The following ADGRG7 variants were observed in gnomAD, a reference collection of about 807,000 sequenced individuals.
The protein encoded by ADGRG7 is adhesion G protein-coupled receptor G7.
Under a neutral mutation model 88.6 loss-of-function variants are expected in ADGRG7, and 82 were observed. That is an observed-to-expected ratio of 0.93 (90% confidence interval 0.77 to 1.11). The LOEUF (loss-of-function observed/expected upper bound fraction) is 1.11, where lower values mean the gene tolerates loss of function less well. Ranked by LOEUF, ADGRG7 falls within the 50% of genes most tolerant of loss-of-function variation. The pLI is 0.00. For missense variants in ADGRG7, 945 were observed against 953.4 expected, an observed-to-expected ratio of 0.99 and a Z score of 0.12; for synonymous variants, 381 against 345.2, an observed-to-expected ratio of 1.10 and a Z score of -1.15.
Position 100,635,837 on chromosome 3 carries a change from C to T in ADGRG7, c.597+11C>T, listed in dbSNP as rs774095972. On this transcript the variant is annotated intron_variant, in intron 5 of 15. Coordinates refer to ENST00000273352, the MANE Select transcript of ADGRG7 (RefSeq NM_032787.3). Reference sequence around the variant, plus strand: ...AATGCTTCACCTGAGGTAAAACTCACAGAGCTTTAAAAAAAATTTTTTTTT... The same window carrying T: ...AATGCTTCACCTGAGGTAAAACTCATAGAGCTTTAAAAAAAATTTTTTTTT... The T allele has an allele frequency of 5.0e-6, 8 of 1,593,334 alleles. No individual in the cohort carries two copies. Among genetic ancestry groups the T allele is most frequent in the African/African-American group, 1.4e-5 (1 of 73,434 alleles).
chr3:100,693,229 C>G (rs1203576355), intron 15 of ADGRG7, among the ~76,000 whole-genome samples: 2 of 152,106 alleles, frequency 1.3e-5, no homozygotes, highest in African/African-American at 2.4e-5. Flanking sequence ...TCTTAGTTTA[C>G]TTTAGAATTT....
chr3:100,610,851 G>A (rs1316842114), intron 1 of ADGRG7, among the ~76,000 whole-genome samples: 4 of 152,206 alleles, frequency 2.6e-5, no homozygotes, highest in Admixed American at 2.6e-4. Context: ...CTCTGAGCAG[G>A]TAACTGGGGA....
At chr3:100,637,574 G>T in intron 6 of ADGRG7, 172 bp downstream of exon 6, 1 of 584,358 alleles carries the variant, frequency 1.7e-6, no homozygotes, top group South Asian at 2.0e-5. Flanking sequence ...TTACTAGATG[G>T]AGTGGTATAT....
At chr3:100,669,219 G>T in intron 15 of ADGRG7, 114 bp downstream of exon 15, 2 of 735,764 alleles carry the variant, frequency 2.7e-6, no homozygotes, top group Non-Finnish European at 3.9e-6. Flanking sequence ...AGGCGCGGTG[G>T]CTCACGCCTG....
chr3:100,665,049 A>T, intron 14 of ADGRG7: 1 of 481,768 alleles, frequency 2.1e-6, no homozygotes, highest in African/African-American at 2.0e-5. Flanking sequence ...AGAAGTTCAC[A>T]TTAGTGGAAA....
At chr3:100,622,584 A>G (rs944196747) in intron 1 of ADGRG7, among the ~76,000 whole-genome samples, 10 of 152,096 alleles carry the variant, frequency 6.6e-5, no homozygotes, top group Non-Finnish European at 1.2e-4. Flanking sequence ...TGCCCACTTA[A>G]AAAAAGCGGG....
In ADGRG7 at chr3:100,643,267, C is replaced by T; in HGVS notation, c.700C>T (p.Leu234Phe). The T allele has an allele frequency of 6.2e-7, 1 of 1,612,774 alleles. No individual in the cohort carries two copies. The highest frequency in any genetic ancestry group is 8.5e-7 in the Non-Finnish European group (1 of 1,179,406). ...TAAATTGTGTTTTATTATATGCAGG[C>T]TTATTGAGCAAATGGAGACTTATTC... Reference protein sequence around the residue: ...ATANDDALTTLIEQMETYSLS... With the variant: ...ATANDDALTTFIEQMETYSLS... Residue 234 changes from leucine to phenylalanine, a missense_variant and splice_region_variant, in exon 7 of 16, where the codon CTT becomes TTT. Transcript: ENST00000273352.
intron 6 of ADGRG7, among the ~76,000 whole-genome samples, chr3:100,641,796 G>A (rs555048821): frequency 2.0e-5 from 3 of 152,260 alleles, no homozygotes; most frequent in South Asian, 4.1e-4. Context: ...GGAAGAATTA[G>A]CCTCTTATTT....
At chr3:100,662,044 A>G (rs1255394694) in intron 14 of ADGRG7, among the ~76,000 whole-genome samples, 5 of 152,224 alleles carry the variant, frequency 3.3e-5, no homozygotes, top group African/African-American at 1.2e-4. Flanking sequence ...ATCAGCATTT[A>G]AACTTTTATG....
chr3:100,688,166 G>C (rs2094986516), intron 15 of ADGRG7, among the ~76,000 whole-genome samples: 1 of 152,220 alleles, frequency 6.6e-6, no homozygotes, highest in African/African-American at 2.4e-5. Flanking sequence ...TATTTGCATA[G>C]AGGTGTTTAT....
chr3:100,634,437 T>C (rs957191993), intron 4 of ADGRG7, among the ~76,000 whole-genome samples: 2 of 152,246 alleles, frequency 1.3e-5, no homozygotes, highest in African/African-American at 4.8e-5. Flanking sequence ...TTAATTTTTA[T>C]AACACCATAA....
intron 1 of ADGRG7, among the ~76,000 whole-genome samples, chr3:100,612,725 C>T (rs1707171067): frequency 6.6e-6 from 1 of 152,146 alleles, no homozygotes; most frequent in Non-Finnish European, 1.5e-5. Flanking sequence ...TGCTCTTTGC[C>T]ACCAGGACTG....
Position 100,630,796 on chromosome 3 carries a change from G to A in ADGRG7, c.321G>A (p.Lys107=). Residue 107 remains lysine, a synonymous_variant, in exon 3 of 16, where the codon AAG becomes AAA. Coordinates refer to ENST00000273352, the MANE Select transcript of ADGRG7 (RefSeq NM_032787.3). Reference sequence around the variant, plus strand: ...GACCATCCTTGCAAACATGTGGCAAGGATACTCCAAATGGTATGTGTTTTC... The same window carrying A: ...GACCATCCTTGCAAACATGTGGCAAAGATACTCCAAATGGTATGTGTTTTC... ...RYGPSLQTCG[K]DTPNAGNPMA... 1.4e-6 allele frequency: 2 copies of A among 1,476,416 alleles called. No individual in the cohort carries two copies. The highest frequency in any genetic ancestry group is 1.5e-5 in the South Asian group (1 of 66,512). The allele number at this position is 1,476,416 out of a possible 1,614,324, so 91.5% of individuals were successfully genotyped here. A position where few individuals can be genotyped will look rare whatever the true frequency, so the allele number is the denominator to read the frequency against.
Position 100,649,701 on chromosome 3 carries a change from A to C in ADGRG7, c.1273A>C (p.Lys425Gln). The C allele has an allele frequency of 6.3e-7, 1 of 1,582,506 alleles. No homozygotes were observed. The highest frequency in any genetic ancestry group is 8.7e-7 in the Non-Finnish European group (1 of 1,153,110). Reference sequence around the variant, plus strand: ...GTCTTACCTTGTTTTTCAGACTTTCAAAAAGGATTATCAATATCCCAAATC... The same window carrying C: ...GTCTTACCTTGTTTTTCAGACTTTCCAAAAGGATTATCAATATCCCAAATC... ...TTNFAVLMTF[K>Q]KDYQYPKSLD... The change falls in exon 11 of 16, where the codon AAA (lysine) becomes CAA (glutamine). Residue 425 changes from lysine (K) to glutamine (Q), a missense_variant. Physicochemically the swap from Lys to Gln is moderately conservative, Grantham distance 53 (BLOSUM62 1). Coordinates refer to ENST00000273352, the MANE Select transcript of ADGRG7 (RefSeq NM_032787.3).
chr3:100,649,778 T>C lies in ADGRG7; in HGVS notation c.1350T>C (p.Ala450=), dbSNP rs2094926499. The change falls in exon 11 of 16, where the codon GCT becomes GCC. Residue 450 remains alanine, a synonymous_variant. Transcript: ENST00000273352. ...VGCALSVTGL[A]LTVIFQIVTR... The stretch of plus-strand genomic sequence containing the variant: ...GTGCACTGTCTGTTACTGGTCTGGC[T>C]CTCACAGTTATATTTCAGATTGTCA... 1.2e-6 allele frequency: 2 copies of C among 1,607,008 alleles called. No homozygotes were observed. The highest frequency in any genetic ancestry group is 1.3e-5 in the African/African-American group (1 of 74,916).
rs2094935416 is a variant in ADGRG7 at position 100,654,934 on chromosome 3, T to A, written c.1479T>A (p.Asn493Lys). 1.1e-5 allele frequency: 18 copies of A among 1,613,994 alleles called. No individual in the cohort carries two copies. Among genetic ancestry groups the A allele is most frequent in the Non-Finnish European group, 1.5e-5 (18 of 1,179,848 alleles). Reference sequence around the variant, plus strand: ...TTGTGTTTGGAATTGAAAACTCCAATAAGAACTTGCAGACAAGTGATGGTG... The same window carrying A: ...TTGTGTTTGGAATTGAAAACTCCAAAAAGAACTTGCAGACAAGTGATGGTG... ...LLFVFGIENS[N>K]KNLQTSDGDI... Residue 493 changes from asparagine to lysine, a missense_variant, in exon 12 of 16, where the codon AAT (asparagine) becomes AAA (lysine). By Grantham distance (94) the Asn-to-Lys change is moderately conservative. Coordinates refer to ENST00000273352, the MANE Select transcript of ADGRG7 (RefSeq NM_032787.3).
intron 10 of ADGRG7, 128 bp from the exon 11 acceptor site, chr3:100,649,567 G>A (rs574608617): frequency 3.5e-6 from 2 of 568,218 alleles, no homozygotes; most frequent in Admixed American, 3.2e-5. Context: ...TATATCATGA[G>A]CTTTACAAAA....
Position 100,659,769 on chromosome 3 carries a change from C to T in ADGRG7, c.1905C>T (p.Ile635=). ...LWSFIVPVTI[I]LISNVVMFIT... ...CATTCATCGTACCTGTAACCATTATCCTCATCAGCAATGTTGTTATGTTTA... is the reference window on the plus strand; with the variant it reads ...CATTCATCGTACCTGTAACCATTATTCTCATCAGCAATGTTGTTATGTTTA... The change falls in exon 14 of 16, where the codon ATC becomes ATT. Residue 635 remains isoleucine, a synonymous_variant. Coordinates refer to ENST00000273352, the MANE Select transcript of ADGRG7 (RefSeq NM_032787.3). 6.2e-7 allele frequency: 1 copy of T among 1,613,988 alleles called. No homozygotes were observed. The highest frequency in any genetic ancestry group is 8.5e-7 in the Non-Finnish European group (1 of 1,179,900).
At chr3:100,662,657 T>C (rs546946130) in intron 14 of ADGRG7, among the ~76,000 whole-genome samples, 86 of 152,218 alleles carry the variant, frequency 5.6e-4, no homozygotes, top group Non-Finnish European at 8.1e-4. Context: ...GCAGAACTTA[T>C]GCAAGGCCAA....
Sources: gnomAD v4.1 joint callset for allele counts (sites outside exome capture counted in the v4.1 genomes callset) on GRCh38, gnomAD v4.1.1 for gene constraint, MANE v1.5 for transcripts, NCBI Gene and HGNC (gene_info 2026-07-23, HGNC 2026-07-21) for gene names.